The following FOCAD variants were observed in gnomAD, a reference collection of about 807,000 sequenced individuals.
FOCAD encodes the protein KIAA1797.
Under a neutral mutation model 225.6 loss-of-function variants are expected in FOCAD, and 198 were observed. That is an observed-to-expected ratio of 0.88 (90% CI 0.78 to 0.99). FOCAD has a LOEUF of 0.99. Among genes scored for constraint, FOCAD ranks in the 50% least tolerant of loss-of-function variants. The pLI is 0.00. For missense variants in FOCAD, 2,713 were observed against 2,123.6 expected (o/e 1.28, Z -5.46); for synonymous variants, 897 against 755.0 (o/e 1.19, Z -3.08).
At chr9:20,958,658 C>G (rs1587720263) in intron 35 of FOCAD, among the ~76,000 whole-genome samples, 1 of 152,026 alleles carries the variant, frequency 6.6e-6, no homozygotes. Flanking sequence ...GTTTTGTATC[C>G]TTTAACAAGT....
chr9:20,789,519 C>T lies in FOCAD; in HGVS notation c.1366C>T (p.Leu456=), dbSNP rs1351302511. Residue 456 remains leucine, a synonymous_variant, in exon 11 of 44, where the codon CTG becomes TTG. Transcript: ENST00000338382. ...AVIPAPAFLL[L]AHLLVEDKGQ... ...GATCCCTGCGCCTGCCTTTCTTCTG[C>T]TGGCTCACCTCCTTGTTGAAGACAA... The T allele has an allele frequency of 1.2e-6, 2 of 1,613,888 alleles. No individual in the cohort carries two copies. Among genetic ancestry groups the T allele is most frequent in the African/African-American group, 1.3e-5 (1 of 74,890 alleles).
intron 3 of FOCAD, among the ~76,000 whole-genome samples, chr9:20,719,047 T>G (rs1301172621): frequency 6.6e-6 from 1 of 152,156 alleles, no homozygotes; most frequent in African/African-American, 2.4e-5. Context: ...CTTAGCCAGC[T>G]ACAGAGGGAA....
chr9:20,979,406 T>G (rs1011179402), intron 37 of FOCAD, among the ~76,000 whole-genome samples: 5 of 152,220 alleles, frequency 3.3e-5, no homozygotes, highest in Non-Finnish European at 7.3e-5. Flanking sequence ...TGGCAGAATC[T>G]CGACTCACTG....
chr9:20,719,284 T>C (rs935229111), intron 3 of FOCAD, among the ~76,000 whole-genome samples: 1 of 152,162 alleles, frequency 6.6e-6, no homozygotes, highest in Non-Finnish European at 1.5e-5. Context: ...GGTTTCACCA[T>C]GTTGGCCAGG....
At chr9:20,746,719 T>C (rs1270779101) in intron 5 of FOCAD, among the ~76,000 whole-genome samples, 1 of 152,228 alleles carries the variant, frequency 6.6e-6, no homozygotes, top group East Asian at 1.9e-4. Context: ...ATAATACTTT[T>C]TATAACATAC....
intron 11 of FOCAD, among the ~76,000 whole-genome samples, chr9:20,811,346 C>T (rs1823052471): frequency 6.6e-6 from 1 of 151,986 alleles, no homozygotes; most frequent in Non-Finnish European, 1.5e-5. Flanking sequence ...TGATTTTCTA[C>T]AAAGTGCTTA....
At chr9:20,863,765 C>A (rs1345979890) in intron 16 of FOCAD, among the ~76,000 whole-genome samples, 2 of 151,976 alleles carry the variant, frequency 1.3e-5, no homozygotes, top group African/African-American at 4.8e-5. Flanking sequence ...AGACTAAAAG[C>A]CAATGTAAGG....
At chr9:20,911,315 T>G (rs1446078682) in intron 22 of FOCAD, among the ~76,000 whole-genome samples, 1 of 152,118 alleles carries the variant, frequency 6.6e-6, no homozygotes, top group African/African-American at 2.4e-5. Flanking sequence ...GTGCCTGAAC[T>G]GGTGAGCCCC....
chr9:20,877,552 T>A (rs1387050066), intron 19 of FOCAD, among the ~76,000 whole-genome samples: 7 of 152,178 alleles, frequency 4.6e-5, no homozygotes, highest in Non-Finnish European at 1.5e-5. Flanking sequence ...GCAGATGAAC[T>A]GTATTCATAA....
intron 8 of FOCAD, among the ~76,000 whole-genome samples, chr9:20,772,679 G>A (rs79620321): frequency 1.3e-5 from 2 of 152,008 alleles, no homozygotes; most frequent in African/African-American, 2.4e-5. Flanking sequence ...GTGGTGGTTG[G>A]GGGGCGTGGA....
chr9:20,665,833 C>G (rs1450535609), intron 2 of FOCAD, among the ~76,000 whole-genome samples: 1 of 151,960 alleles, frequency 6.6e-6, no homozygotes, highest in Non-Finnish European at 1.5e-5. Flanking sequence ...GAGTTTGAGA[C>G]CAGCCTGGCC....
chr9:20,966,825 A>C (rs1292037474), intron 35 of FOCAD, among the ~76,000 whole-genome samples: 4 of 152,084 alleles, frequency 2.6e-5, no homozygotes, highest in Admixed American at 6.5e-5. Flanking sequence ...AATTGGGTAT[A>C]AATATATACG....
chr9:20,670,093 T>C (rs10811387), intron 2 of FOCAD, among the ~76,000 whole-genome samples: 124,742 of 152,212 alleles, frequency 0.82, 51,165 homozygotes, highest in South Asian at 0.87. Context: ...ATTAGAGCAC[T>C]TTCTACATAG....
At chr9:20,981,277 T>C in intron 37 of FOCAD, 149 bp from the exon 38 acceptor site, 1 of 907,186 alleles carries the variant, frequency 1.1e-6, no homozygotes, top group East Asian at 2.5e-5. Context: ...CATTGGACCG[T>C]GAAGCTGTGG....
intron 11 of FOCAD, among the ~76,000 whole-genome samples, chr9:20,815,691 C>T (rs1823659126): frequency 6.6e-6 from 1 of 152,016 alleles, no homozygotes; most frequent in Non-Finnish European, 1.5e-5. Flanking sequence ...GAAGAGAAAG[C>T]ATTGAGTTAT....
intron 39 of FOCAD, among the ~76,000 whole-genome samples, chr9:20,984,294 C>T (rs1840961709): frequency 6.6e-6 from 1 of 152,208 alleles, no homozygotes; most frequent in Non-Finnish European, 1.5e-5. Flanking sequence ...TAGTGATCTA[C>T]TGCAGAGAAT....
chr9:20,955,229 A>T (rs940840262), intron 35 of FOCAD, among the ~76,000 whole-genome samples: 1 of 152,138 alleles, frequency 6.6e-6, no homozygotes, highest in African/African-American at 2.4e-5. Flanking sequence ...AACTCACTAG[A>T]GGAAAGAAAT....
intron 20 of FOCAD, among the ~76,000 whole-genome samples, chr9:20,884,599 A>G (rs189189271): frequency 4.6e-5 from 7 of 152,094 alleles, no homozygotes; most frequent in South Asian, 2.1e-4. Context: ...GCCTGTCCCA[A>G]TAGTATTTTA....
chr9:20,923,827 G>C, intron 25 of FOCAD, 59 bp downstream of exon 25: 1 of 1,322,082 alleles, frequency 7.6e-7, no homozygotes, highest in Non-Finnish European at 1.1e-6. Flanking sequence ...CCTGGCTTTA[G>C]GTAGCCTGGC....
Sources: allele counts gnomAD v4.1 joint callset (sites outside exome capture counted in the v4.1 genomes callset), GRCh38; gene constraint gnomAD v4.1.1; transcripts MANE v1.5; gene names NCBI Gene and HGNC (gene_info 2026-07-23, HGNC 2026-07-21).